The following TRPM7 variants were observed in gnomAD, a reference collection of about 807,000 sequenced individuals.
TRPM7 encodes the protein transient receptor potential cation channel subfamily M member 7.
Under a neutral mutation model 229.7 loss-of-function variants are expected in TRPM7, and 134 were observed. The observed-to-expected ratio is 0.58, with a 90% CI of 0.51 to 0.67. TRPM7 has a LOEUF of 0.67. TRPM7 is among the 30% of genes least tolerant of loss of function. The pLI is 0.00. For missense variants in TRPM7, 1,901 were observed against 2,210.0 expected, an observed-to-expected ratio of 0.86 and a Z score of 2.80; for synonymous variants, 699 against 715.2, an observed-to-expected ratio of 0.98 and a Z score of 0.36.
At chr15:50,651,400 C>G (rs1426092632) in intron 3 of TRPM7, among the ~76,000 whole-genome samples, 1 of 151,986 alleles carries the variant, frequency 6.6e-6, no homozygotes, top group Non-Finnish European at 1.5e-5. Context: ...AATCCCAGCA[C>G]TTTGGGAAGC....
chr15:50,653,103 C>T (rs1412373609), intron 3 of TRPM7, among the ~76,000 whole-genome samples: 2 of 152,120 alleles, frequency 1.3e-5, no homozygotes, highest in African/African-American at 2.4e-5. Context: ...GTGACTGTGA[C>T]ACTGCACTCC....
intron 4 of TRPM7, among the ~76,000 whole-genome samples, chr15:50,645,748 A>C (rs2140806419): frequency 6.6e-6 from 1 of 152,354 alleles, no homozygotes; most frequent in Non-Finnish European, 1.5e-5. Context: ...ATACTATATT[A>C]GAGATAAATG....
chr15:50,669,218 G>T (rs1272584389), intron 1 of TRPM7, among the ~76,000 whole-genome samples: 5 of 152,116 alleles, frequency 3.3e-5, no homozygotes, highest in African/African-American at 1.2e-4. Context: ...GAGGTAGGTG[G>T]ATCACCTGAG....
At chr15:50,591,815 T>C (rs376180420) in intron 26 of TRPM7, 96 bp downstream of exon 26, 8 of 924,846 alleles carry the variant, frequency 8.7e-6, no homozygotes, top group African/African-American at 1.7e-5. Flanking sequence ...TTATACTCTA[T>C]GAAAAGATAA....
In TRPM7 at chr15:50,686,552, T is replaced by C. The variant is rs1272191922; in HGVS notation, c.-19A>G. The C allele has an allele frequency of 6.2e-7, 1 of 1,609,796 alleles. No homozygotes were observed. The highest frequency in any genetic ancestry group is 2.3e-5 in the East Asian group (1 of 44,014). On this transcript the variant is annotated 5_prime_UTR_variant, in exon 1 of 39. Transcript: ENST00000646667. ...GTACCATTCTCCTCACGGGGCGGACTCCGGAAGGGCAGCAACTCCACCTCC... is the reference window on the plus strand; with the variant it reads ...GTACCATTCTCCTCACGGGGCGGACCCCGGAAGGGCAGCAACTCCACCTCC...
At chr15:50,567,787 T>C (rs1002951373) in intron 38 of TRPM7, among the ~76,000 whole-genome samples, 1 of 151,956 alleles carries the variant, frequency 6.6e-6, no homozygotes, top group Admixed American at 6.6e-5. Flanking sequence ...AAGATAAATA[T>C]TCTCAAGAAA....
intron 25 of TRPM7, among the ~76,000 whole-genome samples, chr15:50,593,001 G>T (rs2059544085): frequency 6.6e-6 from 1 of 152,042 alleles, no homozygotes; most frequent in Admixed American, 6.6e-5. Flanking sequence ...CAGAAAAAAA[G>T]AAATGCTGGC....
intron 36 of TRPM7, 27 bp downstream of exon 36, chr15:50,574,247 A>G: frequency 6.4e-7 from 1 of 1,569,216 alleles, no homozygotes; most frequent in Non-Finnish European, 8.8e-7. Context: ...GCAGAATTTC[A>G]CCTTAGCAAT....
At chr15:50,590,840 A>AG (rs201796794) in intron 26 of TRPM7, among the ~76,000 whole-genome samples, 35,928 of 146,508 alleles carry the variant, frequency 0.25, 4,409 homozygotes, top group East Asian at 0.42. Flanking sequence ...AAAAAAAAAA[A>AG]AGGGGGAATA....
chr15:50,610,565 A>G (rs2060038805), intron 17 of TRPM7, among the ~76,000 whole-genome samples: 1 of 152,150 alleles, frequency 6.6e-6, no homozygotes, highest in Non-Finnish European at 1.5e-5. Flanking sequence ...GATATAAGAT[A>G]ACAAAAAGCA....
intron 1 of TRPM7, among the ~76,000 whole-genome samples, chr15:50,682,531 G>A (rs754978366): frequency 6.0e-5 from 9 of 149,076 alleles, no homozygotes; most frequent in African/African-American, 7.4e-5. Context: ...AGCCAAGATC[G>A]CACCATTGCA....
At chr15:50,592,746 A>C in intron 25 of TRPM7, 120 bp from the exon 26 acceptor site, 2 of 664,320 alleles carry the variant, frequency 3.0e-6, no homozygotes, top group South Asian at 4.3e-5. Context: ...AACAAGATAT[A>C]AAATAAGGTA....
intron 19 of TRPM7, among the ~76,000 whole-genome samples, chr15:50,608,510 G>T (rs1315140223): frequency 6.6e-6 from 1 of 152,154 alleles, no homozygotes; most frequent in Admixed American, 6.5e-5. Context: ...CTATTTTAAC[G>T]CAGCCATTCA....
chr15:50,656,544 C>T (rs8041177), intron 3 of TRPM7, among the ~76,000 whole-genome samples: 4,269 of 150,472 alleles, frequency 0.028, 228 homozygotes, highest in African/African-American at 0.1. Context: ...CTATGCTACC[C>T]GGGCTGGTCT....
intron 16 of TRPM7, 81 bp from the exon 17 acceptor site, chr15:50,611,402 T>C (rs1033758263): frequency 3.9e-5 from 41 of 1,052,014 alleles, no homozygotes; most frequent in Non-Finnish European, 5.4e-5. Flanking sequence ...CATTAATACT[T>C]CCTACTTTTT....
chr15:50,634,261 T>C (rs1168296073), intron 8 of TRPM7, 121 bp downstream of exon 8: 3 of 700,656 alleles, frequency 4.3e-6, no homozygotes, highest in South Asian at 3.7e-5. Flanking sequence ...GTGGAGGTTG[T>C]AGTAAGCCAA....
Position 50,580,532 on chromosome 15 carries a change from A to G in TRPM7, c.4592+342T>C, listed in dbSNP as rs547989147. On this transcript the variant is annotated intron_variant, in intron 30 of 38. Transcript: ENST00000646667. ...GAATGATGGATAGAGAAATCAAGCA[A>G]GTACAAAACTAAAGTCTCAAACTAG... Among the ~76,000 whole-genome samples the G allele has an allele frequency of 5.3e-5, 8 of 152,348 alleles. No individual in the cohort carries two copies. The East Asian group carries it at 1.3e-3, about 26-fold the overall frequency.
chr15:50,592,019 G>A lies in TRPM7; in HGVS notation c.4216C>T (p.Pro1406Ser). ...TGGCTTTTGCAACTTGGCTGAGATG[G>A]TGTACTAACAAAAAATTTGGTTGGT... ...SPPTKFFVST[P>S]SQPSCKSHLE... The change falls in exon 26 of 39, where the codon CCA becomes TCA. Residue 1406 changes from proline to serine, a missense_variant. Physicochemically the swap from Pro to Ser is moderately conservative, Grantham distance 74 (BLOSUM62 -1). Around this residue, in one of 8 missense-constraint regions of TRPM7, gnomAD observed 533 missense variants for 497.1 expected, o/e 1.07. Transcript: ENST00000646667. 6.2e-7 allele frequency: 1 copy of A among 1,613,498 alleles called. No individual in the cohort carries two copies. Among genetic ancestry groups the A allele is most frequent in the Non-Finnish European group, 8.5e-7 (1 of 1,179,764 alleles).
chr15:50,611,030 A>C, intron 17 of TRPM7, 63 bp downstream of exon 17: 1 of 1,323,640 alleles, frequency 7.6e-7, no homozygotes, highest in Non-Finnish European at 1.1e-6. Flanking sequence ...ACACATTTAG[A>C]CTAATTCTTC....
Sources: allele counts gnomAD v4.1 joint callset (sites outside exome capture counted in the v4.1 genomes callset), GRCh38; gene constraint gnomAD v4.1.1; regional missense constraint gnomAD v4.1.1; transcripts MANE v1.5; gene names NCBI Gene and HGNC (gene_info 2026-07-23, HGNC 2026-07-21).